NCAM1: variants seen among roughly 807,000 people sequenced by gnomAD.
NCAM1 encodes antigen recognized by monoclonal antibody 5.1H11.
A neutral mutation model predicts 109.8 loss-of-function variants in NCAM1; 14 were observed. The ratio of observed to expected loss-of-function variants is 0.13; its 90% CI spans 0.08 to 0.20. The LOEUF (loss-of-function observed/expected upper bound fraction) is 0.20. NCAM1 is among the 10% of genes least tolerant of loss of function. NCAM1 has a pLI of 1.00. For synonymous variants in NCAM1, 418 were observed against 442.9 expected, an observed-to-expected ratio of 0.94 and a Z score of 0.70; for missense variants, 774 against 1,109.9, an observed-to-expected ratio of 0.70 and a Z score of 4.30.
Position 113,033,937 on chromosome 11 carries a change from A to C in NCAM1, c.52+72273A>C, listed in dbSNP as rs1382339416. On this transcript the variant is annotated intron_variant, in intron 1 of 19. Transcript: ENST00000316851. ...ACTGTGTTTGATATCCGTAAGAGAG[A>C]GAAAACTGCTGAGAGTTATAATCTG... 2.6e-5 allele frequency among the ~76,000 whole-genome samples: 4 copies of C among 152,310 alleles called. No homozygotes were observed. In the East Asian group the frequency reaches 7.7e-4, roughly 29 times the overall value.
chr11:112,983,270 G>T (rs1354742696), intron 1 of NCAM1, among the ~76,000 whole-genome samples: 1 of 151,862 alleles, frequency 6.6e-6, no homozygotes. Context: ...TAACATAGCT[G>T]ATACATGAAA....
At position 113,053,010 on chromosome 11, in the gene NCAM1, G is replaced by A. The variant is rs1257632534; in HGVS notation, c.52+91346G>A. On this transcript the variant is annotated intron_variant, in intron 1 of 19. Coordinates refer to ENST00000316851, the MANE Select transcript of NCAM1 (RefSeq NM_181351.5). ...GGGCTCCCCTGCCACAAAGAGTGTA[G>A]GTCTTTGCGTTAAAACTCTTCTAAA... Among the ~76,000 whole-genome samples, 5 of 152,118 alleles carry A rather than the reference G, an allele frequency of 3.3e-5. No individual in the cohort carries two copies. In the East Asian group the frequency reaches 9.6e-4, roughly 29 times the overall value.
chr11:113,137,009 A>G (rs966840628), intron 1 of NCAM1, among the ~76,000 whole-genome samples: 8 of 152,218 alleles, frequency 5.3e-5, no homozygotes, highest in Non-Finnish European at 8.8e-5. Flanking sequence ...CGTGGACAGT[A>G]TGCTTAGAGA....
At position 113,205,620 on chromosome 11, in the gene NCAM1, C is replaced by A; in HGVS notation, c.444C>A (p.Thr148=). 1 of 1,613,896 alleles carries A rather than the reference C, an allele frequency of 6.2e-7. No individual in the cohort carries two copies. Among genetic ancestry groups the A allele is most frequent in the South Asian group, 1.1e-5 (1 of 91,064 alleles). ...VCDVVSSLPP[T]IIWKHKGRDV... is the part of the protein sequence containing the mutation. Reference sequence around the variant, plus strand: ...ATGTGGTCAGCTCCCTCCCACCAACCATCATCTGGAAACACAAAGGCCGAG... The same window carrying A: ...ATGTGGTCAGCTCCCTCCCACCAACAATCATCTGGAAACACAAAGGCCGAG... Residue 148 remains threonine (T), a synonymous_variant, in exon 4 of 20, where the codon ACC becomes ACA. Transcript: ENST00000316851.
At chr11:113,185,009 G>A (rs987634211) in intron 1 of NCAM1, among the ~76,000 whole-genome samples, 1 of 146,916 alleles carries the variant, frequency 6.8e-6, no homozygotes, top group African/African-American at 2.6e-5. Context: ...ACACACACAT[G>A]CATATAAGTG....
At chr11:113,049,170 TACTAAATGGCACTGAATGC>T (rs1434652496) in intron 1 of NCAM1, among the ~76,000 whole-genome samples, 2 of 152,256 alleles carry the variant, frequency 1.3e-5, no homozygotes, top group South Asian at 2.1e-4. Flanking sequence ...GTGATGGCAC[TACTAAATGGCACTGAATGC>T]ACTAAATGGC....
intron 1 of NCAM1, among the ~76,000 whole-genome samples, chr11:113,049,202 T>A (rs1474653287): frequency 6.6e-6 from 1 of 152,162 alleles, no homozygotes; most frequent in Non-Finnish European, 1.5e-5. Context: ...TAAATGGCAC[T>A]GAACTGTACA....
chr11:113,039,063 G>A (rs1319553165), intron 1 of NCAM1, among the ~76,000 whole-genome samples: 1 of 152,076 alleles, frequency 6.6e-6, no homozygotes, highest in East Asian at 1.9e-4. Flanking sequence ...CTAACCAAAG[G>A]GAAAACTCAC....
chr11:113,142,196 G>A (rs1377444143), intron 1 of NCAM1, among the ~76,000 whole-genome samples: 1 of 152,102 alleles, frequency 6.6e-6, no homozygotes, highest in Non-Finnish European at 1.5e-5. Context: ...CCTATGAGAT[G>A]GGAATTTGAT....
intron 1 of NCAM1, among the ~76,000 whole-genome samples, chr11:113,031,058 T>C (rs782622279): frequency 6.6e-6 from 1 of 152,228 alleles, no homozygotes; most frequent in Non-Finnish European, 1.5e-5. Flanking sequence ...GAATTGTTGC[T>C]TCTAGTGAAA....
chr11:113,207,876 A>C lies in NCAM1; in HGVS notation c.790A>C (p.Ile264Leu), dbSNP rs1555113136. Residue 264 changes from isoleucine (I) to leucine (L), a missense_variant, in exon 7 of 20, where the codon ATC becomes CTC. Ile to Leu is a conservative substitution (Grantham distance 5, BLOSUM62 2). Transcript: ENST00000316851. ...GCAAGAGGAAGACGATGAGAAGTAC[A>C]TCTTCAGCGACGATAGTTCCCAGCT... ...IEQEEDDEKY[I>L]FSDDSSQLTI... The C allele has an allele frequency of 4.3e-6, 7 of 1,611,692 alleles. No homozygotes were observed. Among genetic ancestry groups the C allele is most frequent in the Non-Finnish European group, 5.1e-6 (6 of 1,178,996 alleles).
chr11:112,981,163 C>G (rs1951145477), intron 1 of NCAM1, among the ~76,000 whole-genome samples: 1 of 151,782 alleles, frequency 6.6e-6, no homozygotes, highest in Non-Finnish European at 1.5e-5. Flanking sequence ...TTCTCCTCAT[C>G]TCCACCATTT....
chr11:112,984,148 T>A (rs1238346261), intron 1 of NCAM1, among the ~76,000 whole-genome samples: 1 of 151,972 alleles, frequency 6.6e-6, no homozygotes, highest in African/African-American at 2.4e-5. Flanking sequence ...ATAAATGAGA[T>A]CATGCAGTAT....
At chr11:113,031,207 G>A (rs1952702443) in intron 1 of NCAM1, among the ~76,000 whole-genome samples, 1 of 152,176 alleles carries the variant, frequency 6.6e-6, no homozygotes, top group African/African-American at 2.4e-5. Context: ...TGAACTCATG[G>A]CCGTCAGCAT....
At chr11:113,015,094 G>A (rs782089636) in intron 1 of NCAM1, among the ~76,000 whole-genome samples, 3 of 152,220 alleles carry the variant, frequency 2.0e-5, no homozygotes, top group Non-Finnish European at 4.4e-5. Flanking sequence ...GCTCATTGCA[G>A]TCCCTCTAAA....
chr11:113,264,659 C>T, intron 17 of NCAM1: 1 of 985,530 alleles, frequency 1.0e-6, no homozygotes, highest in African/African-American at 1.7e-5. Flanking sequence ...CCAGGACCAC[C>T]CACAGGAGAG....
chr11:113,072,433 A>G (rs1306077205), intron 1 of NCAM1, among the ~76,000 whole-genome samples: 3 of 152,222 alleles, frequency 2.0e-5, no homozygotes, highest in African/African-American at 7.2e-5. Flanking sequence ...CATCCTGAAC[A>G]GTGAAGACAG....
intron 1 of NCAM1, among the ~76,000 whole-genome samples, chr11:113,088,411 T>A (rs2135738752): frequency 6.6e-6 from 1 of 152,310 alleles, no homozygotes; most frequent in East Asian, 1.9e-4. Context: ...TAAGAAACAA[T>A]CATTTACCCA....
intron 16 of NCAM1, among the ~76,000 whole-genome samples, chr11:113,256,634 C>G (rs1237146899): frequency 6.6e-6 from 1 of 152,224 alleles, no homozygotes; most frequent in East Asian, 1.9e-4. Flanking sequence ...CTGAGCTGTC[C>G]TAATCCTGCT....
Sources: allele counts gnomAD v4.1 joint callset (sites outside exome capture counted in the v4.1 genomes callset), GRCh38; gene constraint gnomAD v4.1.1; transcripts MANE v1.5; gene names NCBI Gene and HGNC (gene_info 2026-07-23, HGNC 2026-07-21).